The following TOX3 variants were observed in gnomAD, a reference collection of about 807,000 sequenced individuals.
TOX3 encodes TOX high mobility group box family member 3.
A neutral mutation model predicts 64.3 loss-of-function variants in TOX3; 22 were observed. The observed-to-expected ratio is 0.34, with a 90% confidence interval of 0.24 to 0.49. The LOEUF is 0.49. Among genes scored for constraint, TOX3 ranks in the 20% least tolerant of loss-of-function variants. TOX3 has a pLI of 0.99. For synonymous variants in TOX3, 291 were observed against 273.6 expected (o/e 1.06, Z -0.63); for missense variants, 661 against 714.4 (o/e 0.93, Z 0.85).
At chr16:52,490,445 C>T (rs1961648305) in intron 1 of TOX3, among the ~76,000 whole-genome samples, 1 of 151,918 alleles carries the variant, frequency 6.6e-6, no homozygotes, top group Admixed American at 6.6e-5. Flanking sequence ...ATTTATATTG[C>T]ATTGTTTAAA....
At chr16:52,505,627 A>C (rs931074147) in intron 1 of TOX3, among the ~76,000 whole-genome samples, 2 of 152,222 alleles carry the variant, frequency 1.3e-5, no homozygotes, top group African/African-American at 4.8e-5. Flanking sequence ...CAAAAACTAC[A>C]AAATGTCAAA....
intron 3 of TOX3, among the ~76,000 whole-genome samples, chr16:52,453,215 G>C (rs369504570): frequency 1.4e-5 from 2 of 144,376 alleles, no homozygotes; most frequent in African/African-American, 5.2e-5. Flanking sequence ...ATGGAGTCTC[G>C]CTCTGTTGCC....
intron 1 of TOX3, among the ~76,000 whole-genome samples, chr16:52,472,863 C>A (rs1596803874): frequency 6.6e-6 from 1 of 152,126 alleles, no homozygotes; most frequent in Non-Finnish European, 1.5e-5. Flanking sequence ...TAGATGTGAT[C>A]CCCAAAGATA....
intron 1 of TOX3, among the ~76,000 whole-genome samples, chr16:52,472,298 G>C (rs558639575): frequency 6.6e-6 from 1 of 152,216 alleles, no homozygotes; most frequent in South Asian, 2.1e-4. Context: ...TTTCTTAAAG[G>C]GGGAGACAGG....
At chr16:52,487,881 A>T (rs181440184) in intron 1 of TOX3, among the ~76,000 whole-genome samples, 2 of 152,306 alleles carry the variant, frequency 1.3e-5, no homozygotes, top group African/African-American at 4.8e-5. Flanking sequence ...TAAGTCTGTG[A>T]TTTTTGGAAT....
At chr16:52,487,920 C>G in intron 1 of TOX3, among the ~76,000 whole-genome samples, 1 of 152,216 alleles carries the variant, frequency 6.6e-6, no homozygotes, top group Middle Eastern at 3.4e-3. Context: ...GAGGGAAAAG[C>G]AAATTTTCCC....
At chr16:52,501,777 C>T (rs903205834) in intron 1 of TOX3, among the ~76,000 whole-genome samples, 4 of 152,102 alleles carry the variant, frequency 2.6e-5, no homozygotes, top group African/African-American at 9.7e-5. Context: ...AAAGTACTGC[C>T]TTAACCCACT....
At chr16:52,452,106 T>C (rs1264090122) in intron 3 of TOX3, among the ~76,000 whole-genome samples, 1 of 151,838 alleles carries the variant, frequency 6.6e-6, no homozygotes, top group Non-Finnish European at 1.5e-5. Flanking sequence ...ATACAGTACA[T>C]AAAAGGCAAG....
At chr16:52,519,345 G>T in intron 1 of TOX3, 1 of 1,467,566 alleles carries the variant, frequency 6.8e-7, no homozygotes, top group Non-Finnish European at 9.2e-7. Context: ...ACTGATAAAA[G>T]ACACTATCTG....
At chr16:52,462,118 C>A (rs556593833) in intron 3 of TOX3, among the ~76,000 whole-genome samples, 37 of 152,154 alleles carry the variant, frequency 2.4e-4, no homozygotes, top group African/African-American at 8.4e-4. Flanking sequence ...AGCAAAACTT[C>A]AAAAAGGCAC....
intron 1 of TOX3, among the ~76,000 whole-genome samples, chr16:52,497,057 A>G (rs1307444637): frequency 6.6e-6 from 1 of 152,208 alleles, no homozygotes; most frequent in Admixed American, 6.5e-5. Context: ...AAAATGAGAA[A>G]CAGAAAACTG....
At chr16:52,535,682 G>A (rs1962931017) in intron 1 of TOX3, among the ~76,000 whole-genome samples, 1 of 152,082 alleles carries the variant, frequency 6.6e-6, no homozygotes. Context: ...TATTATGGGG[G>A]CCTCCTATTC....
chr16:52,454,831 T>C (rs1222542985), intron 3 of TOX3, among the ~76,000 whole-genome samples: 1 of 152,210 alleles, frequency 6.6e-6, no homozygotes, highest in Non-Finnish European at 1.5e-5. Context: ...CCTGAATGGA[T>C]GAACAAATTT....
At chr16:52,505,022 A>T (rs918038526) in intron 1 of TOX3, among the ~76,000 whole-genome samples, 2 of 151,970 alleles carry the variant, frequency 1.3e-5, no homozygotes, top group African/African-American at 4.8e-5. Flanking sequence ...TTTAGTAGAG[A>T]CGGGTTTCAC....
intron 1 of TOX3, among the ~76,000 whole-genome samples, chr16:52,512,790 T>C (rs542302972): frequency 6.6e-6 from 1 of 151,916 alleles, no homozygotes; most frequent in South Asian, 2.1e-4. Context: ...GGAAAAGCTC[T>C]GAGTTAGGAA....
At chr16:52,494,402 C>G (rs1961783367) in intron 1 of TOX3, among the ~76,000 whole-genome samples, 1 of 152,230 alleles carries the variant, frequency 6.6e-6, no homozygotes, top group Non-Finnish European at 1.5e-5. Context: ...CCCTCCTCCA[C>G]TGCCTACCAG....
At chr16:52,461,930 T>C (rs1214010329) in intron 3 of TOX3, among the ~76,000 whole-genome samples, 1 of 152,106 alleles carries the variant, frequency 6.6e-6, no homozygotes, top group Admixed American at 6.5e-5. Context: ...ACATGTCAGG[T>C]AGTACATAGA....
chr16:52,501,956 A>T (rs1361035627), intron 1 of TOX3, among the ~76,000 whole-genome samples: 1 of 152,216 alleles, frequency 6.6e-6, no homozygotes, highest in Non-Finnish European at 1.5e-5. Flanking sequence ...ATAGAGAAGG[A>T]GGGTAACACA....
intron 2 of TOX3, among the ~76,000 whole-genome samples, chr16:52,467,439 T>TC (rs1443920584): frequency 6.6e-6 from 1 of 152,152 alleles, no homozygotes; most frequent in Non-Finnish European, 1.5e-5. Context: ...TAATTCTTGA[T>TC]CCCCCGTTTA....
Sources: gnomAD v4.1 joint callset for allele counts (sites outside exome capture counted in the v4.1 genomes callset) on GRCh38, gnomAD v4.1.1 for gene constraint, MANE v1.5 for transcripts, NCBI Gene and HGNC (gene_info 2026-07-23, HGNC 2026-07-21) for gene names.